The following ARAP2 variants were observed in gnomAD, a reference collection of about 807,000 sequenced individuals.
ARAP2 encodes arf-GAP with Rho-GAP domain, ANK repeat and PH domain-containing protein 2.
Under a neutral mutation model 194.5 loss-of-function variants are expected in ARAP2, and 148 were observed. The observed-to-expected ratio is 0.76, with a 90% CI of 0.67 to 0.87. The LOEUF is 0.87. ARAP2 is among the 40% of genes least tolerant of loss of function. The pLI, the probability that ARAP2 is intolerant of heterozygous loss-of-function variation, is 0.00. For synonymous variants in ARAP2, 695 were observed against 683.5 expected, an observed-to-expected ratio of 1.02 and a Z score of -0.26; for missense variants, 2,128 against 1,989.7, an observed-to-expected ratio of 1.07 and a Z score of -1.32.
chr4:36,054,445 T>C (rs1723168708), intron 2 of ARAP2, among the ~76,000 whole-genome samples: 1 of 152,190 alleles, frequency 6.6e-6, no homozygotes, highest in African/African-American at 2.4e-5. Context: ...CATACATTAC[T>C]AGTGCTGCTT....
In ARAP2 at chr4:36,177,891, C is replaced by G; in HGVS notation, c.1793G>C (p.Gly598Ala). The change falls in exon 9 of 33, where the codon GGC becomes GCC. Residue 598 changes from glycine (G) to alanine (A), a missense_variant. Coordinates refer to ENST00000303965, the MANE Select transcript of ARAP2 (RefSeq NM_015230.4). The stretch of plus-strand genomic sequence containing the variant: ...CACAGTAAAAATTTTTGCCTTATAG[C>G]CTCTCAATTCAAGATATCCACATTT... ...PEKCGYLELR[G>A]YKAKIFTVLS... 3 of 1,613,388 alleles carry G rather than the reference C, an allele frequency of 1.9e-6. No homozygotes were observed. Among genetic ancestry groups the G allele is most frequent in the Non-Finnish European group, 2.5e-6 (3 of 1,179,680 alleles).
At chr4:36,107,368 C>T (rs1024185422) in intron 27 of ARAP2, among the ~76,000 whole-genome samples, 197 bp downstream of exon 27, 1 of 152,030 alleles carries the variant, frequency 6.6e-6, no homozygotes, top group Admixed American at 6.6e-5. Context: ...AATTAGCCAA[C>T]TATTACCACA....
chr4:36,196,098 A>G (rs1430867991), intron 6 of ARAP2, among the ~76,000 whole-genome samples: 1 of 152,236 alleles, frequency 6.6e-6, no homozygotes, highest in Admixed American at 6.5e-5. Context: ...AAACTTCAGA[A>G]CACGCAGAAT....
intron 22 of ARAP2, 131 bp from the exon 23 acceptor site, chr4:36,121,457 T>A: frequency 2.7e-6 from 2 of 736,918 alleles, no homozygotes; most frequent in Non-Finnish European, 4.2e-6. Flanking sequence ...AGTGGTGACT[T>A]AAAAGCATAT....
chr4:36,192,827 T>C (rs1326852883), intron 7 of ARAP2, among the ~76,000 whole-genome samples: 1 of 152,128 alleles, frequency 6.6e-6, no homozygotes, highest in Non-Finnish European at 1.5e-5. Flanking sequence ...TGAAACCTTG[T>C]CTCTACTAAA....
At chr4:36,019,406 T>C (rs749087970) in intron 5 of ARAP2, 4 of 149,406 alleles carry the variant, frequency 2.7e-5, no homozygotes, top group Non-Finnish European at 4.4e-5. Context: ...AAAGCAGGCA[T>C]AGTTCAAATC....
chr4:36,177,047 A>G (rs909354306), intron 9 of ARAP2, among the ~76,000 whole-genome samples: 25 of 151,942 alleles, frequency 1.6e-4, no homozygotes, highest in African/African-American at 2.9e-4. Flanking sequence ...CCAAAAAAAA[A>G]GGGGTAAAGA....
At chr4:36,059,416 G>A (rs1438780333) in intron 1 of ARAP2, among the ~76,000 whole-genome samples, 1 of 152,132 alleles carries the variant, frequency 6.6e-6, no homozygotes, top group Non-Finnish European at 1.5e-5. Context: ...TCCTGGGTTT[G>A]AATGCCAGCT....
chr4:36,218,656 G>T (rs901272090), intron 2 of ARAP2, among the ~76,000 whole-genome samples: 1 of 152,028 alleles, frequency 6.6e-6, no homozygotes, highest in African/African-American at 2.4e-5. Flanking sequence ...GATAAAAATA[G>T]AATATTTTTA....
chr4:36,160,231 A>T (rs1054886718), intron 13 of ARAP2: 2 of 1,118,942 alleles, frequency 1.8e-6, no homozygotes, highest in African/African-American at 3.3e-5. Flanking sequence ...TTGTGGCAAC[A>T]AGAGTTAGCA....
At chr4:36,128,173 A>G (rs1233361023) in intron 21 of ARAP2, among the ~76,000 whole-genome samples, 1 of 152,014 alleles carries the variant, frequency 6.6e-6, no homozygotes, top group African/African-American at 2.4e-5. Context: ...TGCAAAATGT[A>G]TCCTGTAGTA....
chr4:36,099,225 A>C (rs1716185291), intron 27 of ARAP2, among the ~76,000 whole-genome samples: 1 of 152,106 alleles, frequency 6.6e-6, no homozygotes, highest in Admixed American at 6.6e-5. Context: ...CCTGCTATGG[A>C]CATGATCTCA....
downstream of ARAP2, among the ~76,000 whole-genome samples, chr4:36,062,316 C>T (rs373971133): frequency 6.6e-5 from 10 of 152,220 alleles, no homozygotes; most frequent in South Asian, 1.0e-3. Context: ...TATTTTCTAC[C>T]CCTTCAGTGC....
At chr4:36,107,777 C>T (rs1356802683) in intron 26 of ARAP2, 84 bp from the exon 27 acceptor site, 7 of 1,345,708 alleles carry the variant, frequency 5.2e-6, no homozygotes, top group African/African-American at 1.5e-5. Context: ...TTAAAAAATC[C>T]ATTTGAAAAC....
chr4:36,118,479 TTTTAC>T (rs2109528163), intron 24 of ARAP2, among the ~76,000 whole-genome samples: 1 of 151,452 alleles, frequency 6.6e-6, no homozygotes, highest in East Asian at 2.0e-4. Flanking sequence ...TCCCAGACTC[TTTTAC>T]TTATCTTTTC....
chr4:36,202,049 T>C (rs73127495), intron 6 of ARAP2, among the ~76,000 whole-genome samples: 6,141 of 152,288 alleles, frequency 0.04, 175 homozygotes, highest in African/African-American at 0.08. Context: ...ATAATCACCA[T>C]GCTGTTCCAG....
At chr4:36,185,748 G>C (rs1740388189) in intron 8 of ARAP2, among the ~76,000 whole-genome samples, 1 of 151,644 alleles carries the variant, frequency 6.6e-6, no homozygotes, top group South Asian at 2.1e-4. Context: ...GGCCGAGGTG[G>C]GCAGATCACC....
chr4:36,022,760 A>C (rs1717223574), intron 5 of ARAP2, among the ~76,000 whole-genome samples: 1 of 152,166 alleles, frequency 6.6e-6, no homozygotes, highest in Non-Finnish European at 1.5e-5. Flanking sequence ...AGGGTTCAGA[A>C]GGAGGAACGG....
At chr4:36,120,044 T>C (rs989969462) in intron 23 of ARAP2, among the ~76,000 whole-genome samples, 2 of 151,590 alleles carry the variant, frequency 1.3e-5, no homozygotes, top group African/African-American at 2.4e-5. Context: ...TGTATCAAAC[T>C]GAAATGTTCA....
Sources: gnomAD v4.1 joint callset for allele counts (sites outside exome capture counted in the v4.1 genomes callset) on GRCh38, gnomAD v4.1.1 for gene constraint, MANE v1.5 for transcripts, NCBI Gene and HGNC (gene_info 2026-07-23, HGNC 2026-07-21) for gene names.